WWC2: variants seen among roughly 807,000 people sequenced by gnomAD.
WWC2 encodes WW and C2 domain containing 2.
WWC2 carries 101 observed loss-of-function variants against 138.5 expected under a neutral mutation model. The ratio of observed to expected loss-of-function variants is 0.73; its 90% CI spans 0.62 to 0.86. The LOEUF is 0.86. Among genes scored for constraint, WWC2 ranks in the 40% least tolerant of loss-of-function variants. The pLI, the probability that WWC2 is intolerant of heterozygous loss-of-function variation, is 0.00. For missense variants in WWC2, 1,420 were observed against 1,419.4 expected (o/e 1.00, Z -0.01); for synonymous variants, 558 against 538.4 (o/e 1.04, Z -0.50).
chr4:183,275,815 G>A (rs1047708416), intron 16 of WWC2, among the ~76,000 whole-genome samples: 3 of 152,040 alleles, frequency 2.0e-5, no homozygotes, highest in South Asian at 4.1e-4. Flanking sequence ...TCTACCTTCT[G>A]GAAGAGTTTG....
chr4:183,188,554 G>A (rs939298456), intron 1 of WWC2, among the ~76,000 whole-genome samples: 1 of 151,074 alleles, frequency 6.6e-6, no homozygotes, highest in African/African-American at 2.4e-5. Flanking sequence ...GACCTATTCT[G>A]ATATCTAATG....
intron 16 of WWC2, 70 bp from the exon 17 acceptor site, chr4:183,280,706 C>T: frequency 2.0e-6 from 3 of 1,478,128 alleles, no homozygotes; most frequent in South Asian, 1.3e-5. Context: ...TGTAAATTCC[C>T]ATCTGCTGAG....
chr4:183,247,266 A>G (rs181741960), intron 6 of WWC2, among the ~76,000 whole-genome samples: 1 of 151,982 alleles, frequency 6.6e-6, no homozygotes, highest in African/African-American at 2.4e-5. Flanking sequence ...CTCTGATTTT[A>G]TTTTCTAGTA....
At chr4:183,266,158 C>T (rs6854052) in intron 14 of WWC2, among the ~76,000 whole-genome samples, 50,475 of 151,974 alleles carry the variant, frequency 0.33, 8,489 homozygotes, top group South Asian at 0.45. Context: ...CTGATTCTTT[C>T]TAAGAGTAGA....
intron 1 of WWC2, among the ~76,000 whole-genome samples, chr4:183,100,532 C>G (rs1743144861): frequency 6.6e-6 from 1 of 152,106 alleles, no homozygotes; most frequent in African/African-American, 2.4e-5. Flanking sequence ...ATTTAAATAA[C>G]GTGCCACCAG....
At chr4:183,162,565 T>A (rs1044555149) in intron 1 of WWC2, among the ~76,000 whole-genome samples, 2 of 152,202 alleles carry the variant, frequency 1.3e-5, no homozygotes, top group Non-Finnish European at 2.9e-5. Flanking sequence ...TTCCCTTTAC[T>A]CTTTGGCACC....
At chr4:183,177,641 A>G (rs1323852960) in intron 1 of WWC2, among the ~76,000 whole-genome samples, 1 of 152,156 alleles carries the variant, frequency 6.6e-6, no homozygotes, top group Non-Finnish European at 1.5e-5. Context: ...TAAGTTTAAA[A>G]TGCCTTAGAT....
At chr4:183,206,028 G>A (rs888824643) in intron 2 of WWC2, among the ~76,000 whole-genome samples, 7 of 152,024 alleles carry the variant, frequency 4.6e-5, no homozygotes, top group Admixed American at 6.6e-5. Context: ...CATGGCTTCC[G>A]TGAAATCTGC....
chr4:183,172,339 C>T (rs1734313231), intron 1 of WWC2, among the ~76,000 whole-genome samples: 1 of 152,086 alleles, frequency 6.6e-6, no homozygotes, highest in Non-Finnish European at 1.5e-5. Flanking sequence ...GGTTTATTCT[C>T]TGTTTTGGTG....
chr4:183,220,680 A>T (rs1192933458), intron 4 of WWC2, among the ~76,000 whole-genome samples: 14 of 151,198 alleles, frequency 9.3e-5, no homozygotes, highest in African/African-American at 3.2e-4. Flanking sequence ...TAAAAATACA[A>T]AAAAGTAGCC....
chr4:183,154,026 A>AAAAAAAAAAAC (rs1561438959), intron 1 of WWC2, among the ~76,000 whole-genome samples: 2 of 145,594 alleles, frequency 1.4e-5, no homozygotes, highest in African/African-American at 5.5e-5. Context: ...AAAAAAAAAA[A>AAAAAAAAAAAC]AACCCCAAAT....
At chr4:183,165,270 T>C (rs1734100974) in intron 1 of WWC2, among the ~76,000 whole-genome samples, 1 of 152,146 alleles carries the variant, frequency 6.6e-6, no homozygotes, top group Non-Finnish European at 1.5e-5. Flanking sequence ...GCCTCTTGAC[T>C]GGGGTTTGGT....
chr4:183,163,406 G>A (rs1734016772), intron 1 of WWC2, among the ~76,000 whole-genome samples: 1 of 152,170 alleles, frequency 6.6e-6, no homozygotes, highest in Non-Finnish European at 1.5e-5. Context: ...ATAGCCACAG[G>A]GGATAGTAAG....
intron 17 of WWC2, 76 bp downstream of exon 17, chr4:183,280,973 G>A: frequency 1.4e-6 from 2 of 1,476,498 alleles, no homozygotes; most frequent in Non-Finnish European, 1.8e-6. Context: ...AACCTTTGTA[G>A]GCTCATGCTT....
intron 1 of WWC2, among the ~76,000 whole-genome samples, chr4:183,145,805 G>T (rs1423118395): frequency 2.0e-5 from 3 of 152,122 alleles, no homozygotes; most frequent in Non-Finnish European, 1.5e-5. Flanking sequence ...GGATAATCTC[G>T]GATTGATGTT....
intron 2 of WWC2, among the ~76,000 whole-genome samples, chr4:183,198,253 T>C (rs1483537516): frequency 6.6e-6 from 1 of 152,164 alleles, no homozygotes; most frequent in Non-Finnish European, 1.5e-5. Flanking sequence ...GTAGAAAATA[T>C]AGATAAATGA....
intron 1 of WWC2, among the ~76,000 whole-genome samples, chr4:183,159,111 T>A (rs1733886936): frequency 6.6e-6 from 1 of 152,226 alleles, no homozygotes; most frequent in African/African-American, 2.4e-5. Context: ...ATTCTCATTA[T>A]GCTAAAGTTG....
At chr4:183,175,417 A>T (rs922083868) in intron 1 of WWC2, among the ~76,000 whole-genome samples, 3 of 151,930 alleles carry the variant, frequency 2.0e-5, no homozygotes, top group Non-Finnish European at 4.4e-5. Flanking sequence ...ACACGCCACC[A>T]CACCCGGTTA....
chr4:183,220,356 T>C (rs1446421710), intron 4 of WWC2, among the ~76,000 whole-genome samples: 1 of 152,188 alleles, frequency 6.6e-6, no homozygotes, highest in Non-Finnish European at 1.5e-5. Context: ...ATCAGAAAAC[T>C]CATATAGCAG....
Sources: allele counts gnomAD v4.1 joint callset (sites outside exome capture counted in the v4.1 genomes callset), GRCh38; gene constraint gnomAD v4.1.1; transcripts MANE v1.5; gene names NCBI Gene and HGNC (gene_info 2026-07-23, HGNC 2026-07-21).